The following ZNF385D variants were observed in gnomAD, a reference collection of about 807,000 sequenced individuals.
ZNF385D encodes zinc finger protein 659.
A neutral mutation model predicts 35.8 loss-of-function variants in ZNF385D; 15 were observed. That is an observed-to-expected ratio of 0.42 (90% CI 0.28 to 0.64). The LOEUF (loss-of-function observed/expected upper bound fraction) is 0.64, where lower values mean the gene tolerates loss of function less well. Among genes scored for constraint, ZNF385D ranks in the 30% least tolerant of loss-of-function variants. The probability of loss-of-function intolerance (pLI) is 0.23; values close to 1 mark genes in which losing one functional copy is unlikely to be tolerated. For missense variants in ZNF385D, 474 were observed against 494.6 expected, an observed-to-expected ratio of 0.96 and a Z score of 0.39; for synonymous variants, 212 against 186.8, an observed-to-expected ratio of 1.13 and a Z score of -1.10.
At chr3:21,869,570 A>G (rs184141026) in intron 3 of ZNF385D, among the ~76,000 whole-genome samples, 20 of 152,288 alleles carry the variant, frequency 1.3e-4, no homozygotes, top group Admixed American at 2.0e-4. Context: ...TGAGGGATCA[A>G]TAATGAAAAA....
intron 2 of ZNF385D, among the ~76,000 whole-genome samples, chr3:22,343,389 C>T (rs1041563551): frequency 6.6e-6 from 1 of 152,240 alleles, no homozygotes; most frequent in Non-Finnish European, 1.5e-5. Context: ...AAGAGTTGAA[C>T]AAGTGACTTC....
chr3:21,974,807 A>T (rs988211768), intron 3 of ZNF385D, among the ~76,000 whole-genome samples: 4 of 152,184 alleles, frequency 2.6e-5, no homozygotes, highest in African/African-American at 9.6e-5. Context: ...GCAAACAAGG[A>T]TATAAAAGTG....
chr3:21,814,396 C>A (rs1358732247), intron 3 of ZNF385D, among the ~76,000 whole-genome samples: 2 of 151,434 alleles, frequency 1.3e-5, no homozygotes, highest in African/African-American at 2.4e-5. Flanking sequence ...TTAAAAGACA[C>A]AGACTGGTCA....
intron 2 of ZNF385D, among the ~76,000 whole-genome samples, chr3:22,240,183 CAAAAAA>C (rs66663088): frequency 2.5e-4 from 4 of 16,168 alleles, no homozygotes; most frequent in East Asian, 2.2e-3. Context: ...ACCCTGTCTC[CAAAAAA>C]AAAAAAAAAA....
chr3:21,763,547 C>T (rs957441151), intron 3 of ZNF385D, among the ~76,000 whole-genome samples: 2 of 152,034 alleles, frequency 1.3e-5, no homozygotes, highest in Non-Finnish European at 2.9e-5. Flanking sequence ...GTGCTTTAGG[C>T]CTATAATATA....
intron 3 of ZNF385D, among the ~76,000 whole-genome samples, chr3:22,018,731 G>T (rs752706579): frequency 4.0e-5 from 6 of 151,836 alleles, no homozygotes; most frequent in Non-Finnish European, 8.8e-5. Flanking sequence ...ATTGTTTTTA[G>T]CTTGGGTTAT....
chr3:21,664,648 G>C (rs1302592821), intron 2 of ZNF385D, among the ~76,000 whole-genome samples: 1 of 152,044 alleles, frequency 6.6e-6, no homozygotes, highest in East Asian at 1.9e-4. Flanking sequence ...ACACTAGAGG[G>C]GATACATCAA....
intron 4 of ZNF385D, among the ~76,000 whole-genome samples, chr3:21,478,808 C>T (rs76157636): frequency 6.6e-6 from 1 of 152,026 alleles, no homozygotes; most frequent in Admixed American, 6.6e-5. Context: ...CCCAGTAACA[C>T]AGAAAATAGA....
intron 3 of ZNF385D, among the ~76,000 whole-genome samples, chr3:21,920,294 G>T (rs979142544): frequency 6.6e-6 from 1 of 152,008 alleles, no homozygotes; most frequent in Non-Finnish European, 1.5e-5. Flanking sequence ...CAGACGCAGT[G>T]CTTCAAACAC....
chr3:21,967,957 G>T (rs544472779), intron 3 of ZNF385D, among the ~76,000 whole-genome samples: 2 of 152,312 alleles, frequency 1.3e-5, no homozygotes, highest in South Asian at 2.1e-4. Context: ...TAAGGAAAGA[G>T]ACACTAAAGT....
At chr3:21,448,324 G>A (rs1198090634) in intron 4 of ZNF385D, among the ~76,000 whole-genome samples, 2 of 152,060 alleles carry the variant, frequency 1.3e-5, no homozygotes, top group Non-Finnish European at 2.9e-5. Context: ...AGCAACTCCT[G>A]AGCATTCAAT....
chr3:22,114,302 T>C (rs562035735), intron 3 of ZNF385D, among the ~76,000 whole-genome samples: 7 of 152,082 alleles, frequency 4.6e-5, no homozygotes, highest in Non-Finnish European at 8.8e-5. Context: ...AACATTTGCA[T>C]ATATAAAATG....
chr3:22,337,075 AAAATTATAT>A (rs1288166112), intron 2 of ZNF385D, among the ~76,000 whole-genome samples: 3 of 152,008 alleles, frequency 2.0e-5, no homozygotes. Flanking sequence ...AAAGTCAATA[AAAATTATAT>A]ATTTAGTAAC....
intron 3 of ZNF385D, chr3:21,777,658 C>G (rs748907273): frequency 6.6e-6 from 1 of 151,964 alleles, no homozygotes; most frequent in Non-Finnish European, 1.5e-5. Context: ...TTTCACCCTT[C>G]TTCATATCCA....
At chr3:21,635,966 G>T (rs1300688831) in intron 2 of ZNF385D, among the ~76,000 whole-genome samples, 2 of 152,000 alleles carry the variant, frequency 1.3e-5, no homozygotes, top group Non-Finnish European at 2.9e-5. Context: ...TGATTGATGG[G>T]CATTTGGGCT....
intron 3 of ZNF385D, among the ~76,000 whole-genome samples, chr3:22,123,696 C>A (rs919704756): frequency 6.6e-6 from 1 of 152,160 alleles, no homozygotes; most frequent in Non-Finnish European, 1.5e-5. Flanking sequence ...CCCATCTCTA[C>A]TAAAAAGTAC....
rs185398219 is a variant in ZNF385D at position 21,905,609 on chromosome 3, T to C, written c.326-240581A>G. 1.2e-4 allele frequency among the ~76,000 whole-genome samples: 18 copies of C among 151,900 alleles called. No homozygotes were observed. In the East Asian group the frequency reaches 3.5e-3, roughly 29 times the overall value. On this transcript the variant is annotated intron_variant, in intron 3 of 5. Coordinates refer to the ZNF385D transcript ENST00000494108. ...GAGCATCAGAAATATTATATAAAATTTGGACATAAGGCTTAAAGGTAGGTG... is the reference window on the plus strand; with the variant it reads ...GAGCATCAGAAATATTATATAAAATCTGGACATAAGGCTTAAAGGTAGGTG...
chr3:22,290,178 C>A (rs1424560698), intron 2 of ZNF385D, among the ~76,000 whole-genome samples: 2 of 152,092 alleles, frequency 1.3e-5, no homozygotes, highest in African/African-American at 4.8e-5. Context: ...CATGTGTGGC[C>A]TGAACCTTTG....
At chr3:21,565,017 C>T (rs1173332133) in intron 2 of ZNF385D, among the ~76,000 whole-genome samples, 2 of 152,094 alleles carry the variant, frequency 1.3e-5, no homozygotes, top group African/African-American at 4.8e-5. Flanking sequence ...CTAATGCCAG[C>T]AATCTAACAC....
Sources: gnomAD v4.1 joint callset for allele counts (sites outside exome capture counted in the v4.1 genomes callset) on GRCh38, gnomAD v4.1.1 for gene constraint, MANE v1.5 for transcripts, NCBI Gene and HGNC (gene_info 2026-07-23, HGNC 2026-07-21) for gene names.